The following CREB5 variants were observed in gnomAD, a reference collection of about 807,000 sequenced individuals.
CREB5 encodes cAMP responsive element binding protein 5.
Under a neutral mutation model 57.1 loss-of-function variants are expected in CREB5, and 19 were observed. That is an observed-to-expected ratio of 0.33 (90% CI 0.23 to 0.49). The LOEUF is 0.49. Among genes scored for constraint, CREB5 ranks in the 20% least tolerant of loss-of-function variants. The pLI, the probability that CREB5 is intolerant of heterozygous loss-of-function variation, is 0.99. For missense variants in CREB5, 579 were observed against 671.6 expected, an observed-to-expected ratio of 0.86 and a Z score of 1.52; for synonymous variants, 238 against 238.3, an observed-to-expected ratio of 1.00 and a Z score of 0.01.
chr7:28,758,575 C>T (rs1233759530), intron 7 of CREB5, among the ~76,000 whole-genome samples: 1 of 152,166 alleles, frequency 6.6e-6, no homozygotes, highest in Non-Finnish European at 1.5e-5. Context: ...GTTTGCACTA[C>T]CAGTCAGTAG....
chr7:28,460,007 T>C (rs930159142), intron 1 of CREB5, among the ~76,000 whole-genome samples: 2 of 152,230 alleles, frequency 1.3e-5, no homozygotes, highest in African/African-American at 4.8e-5. Context: ...TGTCCTGCGA[T>C]TGCATCTTCT....
chr7:28,775,055 C>T (rs1443816229), intron 7 of CREB5, among the ~76,000 whole-genome samples: 4 of 152,240 alleles, frequency 2.6e-5, no homozygotes, highest in East Asian at 1.9e-4. Flanking sequence ...ATCAGGCTTT[C>T]GGCACTATAA....
intron 4 of CREB5, among the ~76,000 whole-genome samples, chr7:28,561,122 CTG>C (rs909022452): frequency 5.3e-5 from 8 of 152,102 alleles, no homozygotes; most frequent in African/African-American, 1.9e-4. Context: ...TGGAGGCTAA[CTG>C]TAGTAAGGAG....
At chr7:28,776,251 CG>C in intron 7 of CREB5, among the ~76,000 whole-genome samples, 1 of 150,804 alleles carries the variant, frequency 6.6e-6, no homozygotes, top group Admixed American at 6.7e-5. Flanking sequence ...GGCGGAAGAA[CG>C]GCGTGATCCC....
chr7:28,723,895 A>G (rs890167419), intron 6 of CREB5, among the ~76,000 whole-genome samples: 2 of 152,216 alleles, frequency 1.3e-5, no homozygotes, highest in East Asian at 1.9e-4. Flanking sequence ...TATTCTTTAC[A>G]GCCATACAAA....
chr7:28,580,487 C>T (rs572459273), intron 5 of CREB5, among the ~76,000 whole-genome samples: 290 of 140,632 alleles, frequency 2.1e-3, no homozygotes, highest in African/African-American at 7.5e-3. Flanking sequence ...ACTTATTTAA[C>T]GCAGCTCTGT....
chr7:28,461,945 G>C (rs1374722049), intron 1 of CREB5, among the ~76,000 whole-genome samples: 1 of 151,984 alleles, frequency 6.6e-6, no homozygotes, highest in East Asian at 1.9e-4. Context: ...CTCTTTTAAA[G>C]TATACAATTT....
chr7:28,471,597 C>G (rs1217376450), intron 1 of CREB5, among the ~76,000 whole-genome samples: 1 of 152,166 alleles, frequency 6.6e-6, no homozygotes, highest in African/African-American at 2.4e-5. Flanking sequence ...ATCTTTATCA[C>G]AACGCTGTGT....
chr7:28,310,531 T>A (rs1014059303), intron 1 of CREB5, among the ~76,000 whole-genome samples: 4 of 152,238 alleles, frequency 2.6e-5, no homozygotes, highest in Non-Finnish European at 4.4e-5. Flanking sequence ...CTAACATTCT[T>A]TTCAACTATG....
intron 1 of CREB5, among the ~76,000 whole-genome samples, chr7:28,355,370 A>T (rs1414057104): frequency 6.6e-6 from 1 of 152,150 alleles, no homozygotes; most frequent in Admixed American, 6.5e-5. Context: ...TTGGCCTGTG[A>T]TTTCATCTGA....
chr7:28,725,240 G>T (rs1302598617), intron 7 of CREB5, among the ~76,000 whole-genome samples: 1 of 152,204 alleles, frequency 6.6e-6, no homozygotes, highest in South Asian at 2.1e-4. Context: ...GTTGTTGACA[G>T]TTCTGAAAGT....
chr7:28,504,533 T>G (rs1487524803), intron 3 of CREB5, among the ~76,000 whole-genome samples: 1 of 152,254 alleles, frequency 6.6e-6, no homozygotes, highest in Non-Finnish European at 1.5e-5. Context: ...GTTCTTTTAG[T>G]GCTTCAACTA....
chr7:28,441,059 G>A (rs1402907661), intron 1 of CREB5, among the ~76,000 whole-genome samples: 1 of 152,082 alleles, frequency 6.6e-6, no homozygotes, highest in East Asian at 1.9e-4. Flanking sequence ...ATATGGTTTT[G>A]ATTCATTTAT....
chr7:28,771,564 G>A (rs893016579), intron 7 of CREB5, among the ~76,000 whole-genome samples: 6 of 152,018 alleles, frequency 3.9e-5, no homozygotes, highest in Admixed American at 2.0e-4. Context: ...TCAGGCTCCC[G>A]GTACGTGTGA....
chr7:28,527,644 T>C (rs1435698285), intron 4 of CREB5, among the ~76,000 whole-genome samples: 2 of 152,116 alleles, frequency 1.3e-5, no homozygotes, highest in African/African-American at 2.4e-5. Flanking sequence ...TGGTGAGACA[T>C]CATCACTACA....
At chr7:28,672,175 GAAAAAAAA>G (rs201063096) in intron 5 of CREB5, among the ~76,000 whole-genome samples, 13 of 88,132 alleles carry the variant, frequency 1.5e-4, no homozygotes, top group African/African-American at 5.0e-4. Context: ...TTGTATTATG[GAAAAAAAA>G]AAAAAACACA....
At chr7:28,658,921 A>T (rs762489592) in intron 5 of CREB5, among the ~76,000 whole-genome samples, 1 of 119,408 alleles carries the variant, frequency 8.4e-6, no homozygotes, top group Non-Finnish European at 1.8e-5. Context: ...TAATCTTTAA[A>T]TCATTGCACT....
rs1453355863 is a variant in CREB5 at position 28,561,023 on chromosome 7, TGC to T, written c.292-9340_292-9339del. Among the ~76,000 whole-genome samples, 35 of 56,076 alleles carry T rather than the reference TGC, an allele frequency of 6.2e-4. 3 individuals are homozygous for T. The highest frequency in any genetic ancestry group is 4.7e-3 in the East Asian group (3 of 638). The allele number at this position is 56,076 out of a possible 152,430, so 36.8% of individuals were successfully genotyped here. Reference sequence around the variant, plus strand: ...GCGTGTGCGTGTGTGTGTGCGTGTGTGCGTGTGTGTGTGTGTGTGTGAAGGTA... The same window carrying T: ...GCGTGTGCGTGTGTGTGTGCGTGTGTGTGTGTGTGTGTGTGTGTGAAGGTA... On this transcript the variant is annotated intron_variant, in intron 4 of 10. Transcript: ENST00000357727.
At position 28,768,418 on chromosome 7, in the gene CREB5, CA is replaced by C. The variant is rs202007883; in HGVS notation, c.703-35773del. 4.1e-3 allele frequency among the ~76,000 whole-genome samples: 614 copies of C among 151,116 alleles called. 6 individuals are homozygous for C. The highest frequency in any genetic ancestry group is 0.014 in the African/African-American group (566 of 41,190). ...GGTAAAGAATCTGAAAACCATGTCA[CA>C]AAAAAAAGGATGATGGAACCCCAAT... On this transcript the variant is annotated intron_variant, in intron 7 of 10. Coordinates refer to ENST00000357727, the MANE Select transcript of CREB5 (RefSeq NM_182898.4).
Sources: gnomAD v4.1 joint callset for allele counts (sites outside exome capture counted in the v4.1 genomes callset) on GRCh38, gnomAD v4.1.1 for gene constraint, MANE v1.5 for transcripts, NCBI Gene and HGNC (gene_info 2026-07-23, HGNC 2026-07-21) for gene names.